Variants in ERC1 observed in about 807,000 individuals in gnomAD.
The protein encoded by ERC1 is ELKS/RAB6-interacting/CAST family member 1.
ERC1 carries 56 observed loss-of-function variants against 132.0 expected under a neutral mutation model. The ratio of observed to expected loss-of-function variants is 0.42; its 90% CI spans 0.34 to 0.53. ERC1 has a LOEUF of 0.53. Ranked by LOEUF, ERC1 falls within the 20% of genes least tolerant of loss-of-function variation. ERC1 has a pLI of 0.03. For synonymous variants in ERC1, 478 were observed against 476.1 expected (o/e 1.00, Z -0.05); for missense variants, 1,202 against 1,349.9 (o/e 0.89, Z 1.72).
At chr12:1,149,309 A>C (rs925671318) in intron 8 of ERC1, among the ~76,000 whole-genome samples, 1 of 152,112 alleles carries the variant, frequency 6.6e-6, no homozygotes, top group Non-Finnish European at 1.5e-5. Context: ...TTACTGTTTA[A>C]ACTTTTGAAA....
intron 12 of ERC1, among the ~76,000 whole-genome samples, chr12:1,218,215 G>C (rs189556080): frequency 6.6e-6 from 1 of 152,134 alleles, no homozygotes; most frequent in African/African-American, 2.4e-5. Flanking sequence ...TCTATACCTG[G>C]AGCCTTTGCC....
intron 18 of ERC1, among the ~76,000 whole-genome samples, chr12:1,456,099 C>T (rs1182765432): frequency 2.0e-5 from 3 of 152,198 alleles, no homozygotes; most frequent in African/African-American, 7.2e-5. Flanking sequence ...CACAATTTCC[C>T]TGCAACAATA....
At chr12:1,484,664 G>A (rs146359184) in intron 18 of ERC1, among the ~76,000 whole-genome samples, 6,049 of 147,786 alleles carry the variant, frequency 0.041, 419 homozygotes, top group African/African-American at 0.14. Flanking sequence ...TGTAAGCTCC[G>A]CCTCCCGGGC....
chr12:1,029,455 CTT>C (rs1967570179), intron 2 of ERC1, among the ~76,000 whole-genome samples: 1 of 152,130 alleles, frequency 6.6e-6, no homozygotes, highest in African/African-American at 2.4e-5. Flanking sequence ...GCTTTTGTAG[CTT>C]TTCGTTCTGT....
At chr12:1,409,323 C>T (rs1013287342) in intron 17 of ERC1, among the ~76,000 whole-genome samples, 2 of 152,188 alleles carry the variant, frequency 1.3e-5, no homozygotes, top group Admixed American at 1.3e-4. Context: ...TTTCTGCCTG[C>T]TTCCTGATAC....
At chr12:1,411,519 CTGAGGGCA>C (rs1180000629) in intron 17 of ERC1, among the ~76,000 whole-genome samples, 1 of 151,952 alleles carries the variant, frequency 6.6e-6, no homozygotes, top group African/African-American at 2.4e-5. Flanking sequence ...TGGCTTTATC[CTGAGGGCA>C]TGAATGAAGT....
chr12:1,467,124 C>T (rs1259037748), intron 18 of ERC1, among the ~76,000 whole-genome samples: 4 of 152,188 alleles, frequency 2.6e-5, no homozygotes, highest in Non-Finnish European at 4.4e-5. Context: ...TGTTATCAGA[C>T]TGGAAACATC....
intron 15 of ERC1, among the ~76,000 whole-genome samples, chr12:1,348,844 C>T (rs2084732001): frequency 6.6e-6 from 1 of 152,134 alleles, no homozygotes; most frequent in African/African-American, 2.4e-5. Flanking sequence ...TTTCCTTCCT[C>T]TGTTTTATGA....
intron 17 of ERC1, among the ~76,000 whole-genome samples, chr12:1,441,163 A>G (rs995908196): frequency 9.9e-5 from 15 of 152,076 alleles, no homozygotes; most frequent in African/African-American, 2.2e-4. Flanking sequence ...GGTTCAAGCA[A>G]TTCTCCTGCC....
intron 13 of ERC1, among the ~76,000 whole-genome samples, chr12:1,261,104 G>A (rs1456378756): frequency 1.3e-5 from 2 of 152,144 alleles, no homozygotes; most frequent in Non-Finnish European, 2.9e-5. Flanking sequence ...CTCCCTAAAA[G>A]TTTTTTATTG....
At chr12:1,141,484 A>T in intron 7 of ERC1, 136 bp from the exon 8 acceptor site, 2 of 563,284 alleles carry the variant, frequency 3.6e-6, no homozygotes, top group Non-Finnish European at 5.7e-6. Flanking sequence ...AATCCAGAGA[A>T]ACATAGATGT....
At chr12:1,006,013 A>G (rs908407186) in intron 1 of ERC1, among the ~76,000 whole-genome samples, 2 of 150,044 alleles carry the variant, frequency 1.3e-5, no homozygotes, top group African/African-American at 4.9e-5. Flanking sequence ...GCTGGAGTGC[A>G]GTGGCATGAT....
chr12:1,456,022 A>G (rs1289555599), intron 18 of ERC1, among the ~76,000 whole-genome samples: 2 of 152,222 alleles, frequency 1.3e-5, no homozygotes, highest in Non-Finnish European at 2.9e-5. Flanking sequence ...TCAGCTTTCC[A>G]ATGAGGTGAG....
intron 18 of ERC1, among the ~76,000 whole-genome samples, chr12:1,478,258 G>A (rs942674261): frequency 2.0e-5 from 3 of 152,180 alleles, no homozygotes; most frequent in African/African-American, 7.2e-5. Context: ...TGGTCATTTA[G>A]TGGTATCTCC....
intron 8 of ERC1, among the ~76,000 whole-genome samples, chr12:1,171,796 T>G (rs1171221928): frequency 6.6e-6 from 1 of 152,200 alleles, no homozygotes; most frequent in Non-Finnish European, 1.5e-5. Flanking sequence ...TGCCCAGTGA[T>G]TTGGGCCTCA....
At chr12:1,138,942 A>G (rs1007336912) in intron 7 of ERC1, among the ~76,000 whole-genome samples, 4 of 152,160 alleles carry the variant, frequency 2.6e-5, no homozygotes, top group South Asian at 4.1e-4. Flanking sequence ...TGGGCCTGCT[A>G]TCTCCTCTGA....
At chr12:1,486,617 G>A (rs1244163963) in intron 18 of ERC1, among the ~76,000 whole-genome samples, 1 of 152,030 alleles carries the variant, frequency 6.6e-6, no homozygotes, top group East Asian at 1.9e-4. Context: ...TAGAGACGGG[G>A]TTTTGCCGTG....
At chr12:1,140,729 C>G (rs1417694531) in intron 7 of ERC1, among the ~76,000 whole-genome samples, 1 of 152,136 alleles carries the variant, frequency 6.6e-6, no homozygotes, top group African/African-American at 2.4e-5. Flanking sequence ...CTGGTAGCCA[C>G]CAGCCATTTG....
At chr12:1,061,488 A>G (rs1177949077) in intron 2 of ERC1, among the ~76,000 whole-genome samples, 1 of 151,258 alleles carries the variant, frequency 6.6e-6, no homozygotes, top group African/African-American at 2.4e-5. Flanking sequence ...CAGTAATCAC[A>G]GTTACTTGGG....
Sources: allele counts gnomAD v4.1 joint callset (sites outside exome capture counted in the v4.1 genomes callset), GRCh38; gene constraint gnomAD v4.1.1; transcripts MANE v1.5; gene names NCBI Gene and HGNC (gene_info 2026-07-23, HGNC 2026-07-21).